TRPC4AP: variants seen among roughly 807,000 people sequenced by gnomAD.
TRPC4AP encodes short transient receptor potential channel 4-associated protein.
TRPC4AP carries 45 observed loss-of-function variants against 99.0 expected under a neutral mutation model. The ratio of observed to expected loss-of-function variants is 0.45; its 90% confidence interval spans 0.36 to 0.58. The LOEUF (loss-of-function observed/expected upper bound fraction) is 0.58. Ranked by LOEUF, TRPC4AP falls within the 20% of genes least tolerant of loss-of-function variation. The pLI is 0.00. For synonymous variants in TRPC4AP, 408 were observed against 385.8 expected (o/e 1.06, Z -0.67); for missense variants, 879 against 985.3 (o/e 0.89, Z 1.44).
chr20:35,035,094 G>A (rs367630083), intron 8 of TRPC4AP, 29 bp downstream of exon 8: 131 of 1,580,980 alleles, frequency 8.3e-5, no homozygotes, highest in Non-Finnish European at 1.0e-4. Flanking sequence ...AAAAGCTCCC[G>A]ATCACTCAGG....
intron 13 of TRPC4AP, 68 bp downstream of exon 13, chr20:35,008,596 C>T (rs2082563251): frequency 1.4e-6 from 2 of 1,412,796 alleles, no homozygotes; most frequent in Admixed American, 1.8e-5. Flanking sequence ...GGAGGTATTC[C>T]TAACCTCCTG....
At chr20:35,086,191 T>C (rs2084840658) in intron 1 of TRPC4AP, among the ~76,000 whole-genome samples, 1 of 152,008 alleles carries the variant, frequency 6.6e-6, no homozygotes. Context: ...ACTCCTGAGC[T>C]TAAAGAATCC....
Position 35,010,191 on chromosome 20 carries a change from C to T in TRPC4AP, c.1507G>A (p.Asp503Asn), listed in dbSNP as rs376679194. 14 of 1,613,818 alleles carry T rather than the reference C, an allele frequency of 8.7e-6. No individual in the cohort carries two copies. In the African/African-American group the frequency reaches 1.1e-4, roughly 12 times the overall value. The change falls in exon 12 of 19, where the codon GAC becomes AAC. Residue 503 changes from aspartate to asparagine, a missense_variant. Asp to Asn is a conservative substitution (Grantham distance 23). Around this residue, in one of 3 missense-constraint regions of TRPC4AP, gnomAD observed 603 missense variants for 631.8 expected, o/e 0.95. Transcript: ENST00000252015. ...IPEVEAVLNTDRSLVCDGKRG... is the reference protein window; with the variant it reads ...IPEVEAVLNTNRSLVCDGKRG... ...AAGCTGCACCCCTGCACTCACCTGT[C>T]GGTGTTGAGGACAGCTTCCACCTCA...
intron 13 of TRPC4AP, 144 bp downstream of exon 13, chr20:35,008,520 T>A: frequency 2.9e-6 from 2 of 690,806 alleles, no homozygotes; most frequent in South Asian, 3.6e-5. Context: ...CTACACAAGA[T>A]GGCAGTCAAA....
intron 7 of TRPC4AP, among the ~76,000 whole-genome samples, chr20:35,041,416 T>C (rs1027219846): frequency 2.6e-5 from 4 of 152,196 alleles, no homozygotes; most frequent in Admixed American, 2.6e-4. Context: ...CACAACCTCA[T>C]GTGTGGAACT....
chr20:35,020,142 A>T (rs1338063596), intron 9 of TRPC4AP, among the ~76,000 whole-genome samples: 2 of 152,148 alleles, frequency 1.3e-5, no homozygotes, highest in African/African-American at 2.4e-5. Flanking sequence ...CCAGAATGCA[A>T]CCACCTCCCA....
chr20:35,071,862 T>C lies in TRPC4AP; in HGVS notation c.298-2450A>G, dbSNP rs572941188. Among the ~76,000 whole-genome samples, 850 of 152,160 alleles carry C rather than the reference T, an allele frequency of 5.6e-3. 1 individual carries two copies. The highest frequency in any genetic ancestry group is 8.0e-3 in the Admixed American group (122 of 15,280). ...CTAGATCCTTGAGGAATCGCCACAC[T>C]GTCTTCCACAATGGTTGAACTAGTT... On this transcript the variant is annotated intron_variant, in intron 2 of 18. Transcript: ENST00000252015.
chr20:35,005,071 T>C (rs1421570325), intron 16 of TRPC4AP, among the ~76,000 whole-genome samples: 1 of 152,054 alleles, frequency 6.6e-6, no homozygotes, highest in Non-Finnish European at 1.5e-5. Context: ...CCCGCACAAC[T>C]GGGAGGCAGG....
chr20:35,087,331 T>C (rs1036142266), intron 1 of TRPC4AP, among the ~76,000 whole-genome samples: 1 of 126,138 alleles, frequency 7.9e-6, no homozygotes, highest in Non-Finnish European at 1.6e-5. Flanking sequence ...AGAGCGAGAC[T>C]CCATCTCAAA....
chr20:35,026,241 G>A (rs928283284), intron 8 of TRPC4AP, among the ~76,000 whole-genome samples: 13 of 149,286 alleles, frequency 8.7e-5, no homozygotes, highest in Non-Finnish European at 1.5e-4. Context: ...TTTTGAGACA[G>A]AGTCTTGCTG....
chr20:35,029,063 C>T (rs2083101861), intron 8 of TRPC4AP, among the ~76,000 whole-genome samples: 2 of 152,156 alleles, frequency 1.3e-5, no homozygotes, highest in East Asian at 1.9e-4. Flanking sequence ...ACCTGGCCAA[C>T]ATGCTGAAAC....
intron 6 of TRPC4AP, among the ~76,000 whole-genome samples, chr20:35,045,215 T>C (rs568597541): frequency 6.6e-6 from 1 of 152,238 alleles, no homozygotes; most frequent in African/African-American, 2.4e-5. Flanking sequence ...TTTTTATACT[T>C]ACAAATATTT....
At chr20:35,030,676 A>C (rs1387912808) in intron 8 of TRPC4AP, among the ~76,000 whole-genome samples, 1 of 152,226 alleles carries the variant, frequency 6.6e-6, no homozygotes, top group East Asian at 1.9e-4. Context: ...ATTTGGTGTC[A>C]TGATACTCCA....
At chr20:35,075,439 G>GT (rs1452374325) in intron 2 of TRPC4AP, among the ~76,000 whole-genome samples, 1 of 152,158 alleles carries the variant, frequency 6.6e-6, no homozygotes, top group African/African-American at 2.4e-5. Context: ...AGGAGCTCTT[G>GT]TAAGGCAGGC....
Position 35,035,271 on chromosome 20 carries a change from A to G in TRPC4AP, c.903T>C (p.Leu301=). 6.2e-7 allele frequency: 1 copy of G among 1,614,106 alleles called. No individual in the cohort carries two copies. The highest frequency in any genetic ancestry group is 8.5e-7 in the Non-Finnish European group (1 of 1,179,996). The change falls in exon 8 of 19, where the codon CTT becomes CTC. Residue 301 remains leucine, a synonymous_variant. Coordinates refer to ENST00000252015, the MANE Select transcript of TRPC4AP (RefSeq NM_015638.3). ...ACACCTTTCGAGTCGCCAGTTTGCA[A>G]AGCCGCTCAACAAAGCCAGGAATGC... ...LLSIPGFVER[L]CKLATRKVSE... is the part of the protein sequence containing the mutation.
intron 1 of TRPC4AP, among the ~76,000 whole-genome samples, chr20:35,078,831 C>T (rs1249292150): frequency 2.0e-5 from 3 of 152,146 alleles, no homozygotes; most frequent in South Asian, 4.1e-4. Flanking sequence ...TTTGGGAAGC[C>T]GAGGCAGGTG....
At chr20:35,003,304 T>G in intron 18 of TRPC4AP, 21 bp from the exon 19 acceptor site, 1 of 1,613,690 alleles carries the variant, frequency 6.2e-7, no homozygotes, top group Non-Finnish European at 8.5e-7. Context: ...AGGGAGGGGC[T>G]GGGGGGCGCC....
At chr20:35,017,236 G>A (rs1406814127) in intron 9 of TRPC4AP, among the ~76,000 whole-genome samples, 2 of 152,074 alleles carry the variant, frequency 1.3e-5, no homozygotes, top group Admixed American at 1.3e-4. Context: ...AGATAATACT[G>A]GGAAAGCAAG....
intron 12 of TRPC4AP, among the ~76,000 whole-genome samples, chr20:35,009,691 C>A (rs1161061961): frequency 6.6e-6 from 1 of 152,192 alleles, no homozygotes; most frequent in Non-Finnish European, 1.5e-5. Context: ...GAAATCATGG[C>A]TCTTGTTGGA....
Sources: gnomAD v4.1 joint callset for allele counts (sites outside exome capture counted in the v4.1 genomes callset) on GRCh38, gnomAD v4.1.1 for gene constraint, gnomAD v4.1.1 regional missense constraint, MANE v1.5 for transcripts, NCBI Gene and HGNC (gene_info 2026-07-23, HGNC 2026-07-21) for gene names.